Variants in CTBP1 observed in about 807,000 individuals in gnomAD.
The protein encoded by CTBP1 is C-terminal binding protein 1, also known as C-terminal-binding protein 1.
In CTBP1, 11 loss-of-function variants were observed where a neutral mutation model predicts 42.1. The ratio of observed to expected loss-of-function variants is 0.26; its 90% CI spans 0.16 to 0.43. The LOEUF (loss-of-function observed/expected upper bound fraction) is 0.43. Ranked by LOEUF, CTBP1 falls within the 20% of genes least tolerant of loss-of-function variation. CTBP1 has a pLI of 1.00. For missense variants in CTBP1, 399 were observed against 624.3 expected (o/e 0.64, Z 3.85); for synonymous variants, 324 against 277.1 (o/e 1.17, Z -1.68).
At chr4:1,234,178 GGCAGCCCCT>G (rs1560266629) in intron 3 of CTBP1, among the ~76,000 whole-genome samples, 1 of 152,250 alleles carries the variant, frequency 6.6e-6, no homozygotes, top group East Asian at 1.9e-4. Context: ...TCGGCATCCA[GGCAGCCCCT>G]GCAGACTCCA....
intron 1 of CTBP1, 121 bp from the exon 2 acceptor site, chr4:1,241,640 C>T: frequency 7.3e-7 from 1 of 1,375,570 alleles, no homozygotes; most frequent in South Asian, 1.3e-5. Context: ...GGACTGCTGT[C>T]TGGGACCTAC....
chr4:1,235,234 C>A lies in CTBP1; in HGVS notation c.162+2949G>T, dbSNP rs1225511208. On this transcript the variant is annotated intron_variant, in intron 3 of 9. Coordinates refer to ENST00000382952, the MANE Select transcript of CTBP1 (RefSeq NM_001012614.2). This position sits in a 1 kb window ranked among gnomAD's most constrained non-coding sequence, Gnocchi z 4.2. ...GCAGGTCTGTGTGTGGACGCGCATT[C>A]CGAGTCTCCGGGATAAAGGAGTGTG... 2.0e-5 allele frequency: 3 copies of A among 152,156 alleles called. No homozygotes were observed. Among genetic ancestry groups the A allele is most frequent in the African/African-American group, 7.2e-5 (3 of 41,412 alleles). 9.4% of individuals were successfully genotyped at this position (152,156 alleles called of 1,614,324 possible). A position where few individuals can be genotyped will look rare whatever the true frequency, so the allele number is the denominator to read the frequency against.
At chr4:1,230,843 C>T (rs1250115) in intron 3 of CTBP1, among the ~76,000 whole-genome samples, 118,456 of 152,218 alleles carry the variant, frequency 0.78, 47,165 homozygotes, top group South Asian at 0.89. Flanking sequence ...TCTAGGTAAG[C>T]TCGGAGAAGC....
At position 1,230,579 on chromosome 4, in the gene CTBP1, T is replaced by C. The variant is rs555527748; in HGVS notation, c.163-2236A>G. 2.1e-3 allele frequency among the ~76,000 whole-genome samples: 315 copies of C among 152,194 alleles called. 1 individual carries two copies. The highest frequency in any genetic ancestry group is 6.9e-3 in the African/African-American group (285 of 41,522). ...ATGTGCAGGGGCCACTTCCACAGTG[T>C]GTGTGCAGAGGCTCGGCATGGACAG... On this transcript the variant is annotated intron_variant, in intron 3 of 9. Transcript: ENST00000382952.
chr4:1,212,498 G>T, intron 9 of CTBP1, 75 bp from the exon 10 acceptor site: 2 of 1,290,528 alleles, frequency 1.5e-6, no homozygotes, highest in South Asian at 3.3e-5. Context: ...TCCTAGCATC[G>T]GCAGCACCGA....
intron 3 of CTBP1, among the ~76,000 whole-genome samples, chr4:1,232,649 G>C (rs942696052): frequency 2.9e-4 from 44 of 152,206 alleles, no homozygotes; most frequent in African/African-American, 1.0e-3. Context: ...TTTAATTAAA[G>C]TGACCTTTTC....
upstream of CTBP1, chr4:1,249,857 C>T: frequency 4.8e-6 from 1 of 210,128 alleles, no homozygotes; most frequent in Non-Finnish European, 1.0e-5. Flanking sequence ...CTCAGCTCTG[C>T]TTTCCCTTTA....
chr4:1,236,293 A>G (rs1402970509), intron 3 of CTBP1: 2 of 325,376 alleles, frequency 6.1e-6, no homozygotes, highest in East Asian at 6.5e-5. Context: ...CCTAGTTCTC[A>G]TCACGGAGGA....
rs549426586 is a variant in CTBP1 at position 1,224,158 on chromosome 4, G to A, written c.514+1202C>T. 9.8e-5 allele frequency among the ~76,000 whole-genome samples: 15 copies of A among 152,372 alleles called. No individual in the cohort carries two copies. The South Asian group carries it at 2.9e-3, about 29-fold the overall frequency. On this transcript the variant is annotated intron_variant, in intron 5 of 9. Transcript: ENST00000382952. ...TGATGTGCGTGCCCACACATATGCC[G>A]GTATCTATCTGCGTACGTGCCCATG... is the stretch of plus-strand genomic sequence containing the variant.
rs530404435 is a variant in CTBP1, at chr4:1,233,509, C to A, written c.162+4674G>T. Among the ~76,000 whole-genome samples, 2 of 152,244 alleles carry A rather than the reference C, an allele frequency of 1.3e-5. No homozygotes were observed. The highest frequency in any genetic ancestry group is 6.5e-5 in the Admixed American group (1 of 15,298). ...TCCAGGCCCCGCAGCCCACACCGGA[C>A]GCAGCCTCCAGGCTCCAGGGCTTCC... On this transcript the variant is annotated intron_variant, in intron 3 of 9. Transcript: ENST00000382952. The surrounding 1 kb of genome is among the most constrained non-coding windows in gnomAD (Gnocchi z 4.6).
chr4:1,225,543 C>T lies in CTBP1; in HGVS notation c.331G>A (p.Ala111Thr), dbSNP rs746485008. 2.6e-6 allele frequency: 4 copies of T among 1,542,464 alleles called. No individual in the cohort carries two copies. Among genetic ancestry groups the T allele is most frequent in the East Asian group, 2.4e-5 (1 of 40,920 alleles). ...DLGIAVCNVP[A>T]ASVEETADST... ...TCGGCCGTCTCCTCCACAGACGCCG[C>T]GGGCACGTTGCAGACGGCAATGCCT... is the stretch of plus-strand genomic sequence containing the variant. Residue 111 changes from alanine to threonine, a missense_variant, in exon 5 of 10, where the codon GCG (alanine) becomes ACG (threonine). Around this residue, in one of 4 missense-constraint regions of CTBP1, gnomAD observed 309 missense variants for 497.5 expected, o/e 0.62. Transcript: ENST00000382952.
At chr4:1,215,935 C>T (rs1243069140) in intron 6 of CTBP1, 56 bp downstream of exon 6, 7 of 1,533,258 alleles carry the variant, frequency 4.6e-6, no homozygotes, top group African/African-American at 1.4e-5. Context: ...CTGCCTGACA[C>T]CCCCACCTGT....
At chr4:1,244,170 C>G (rs1053742944) in intron 1 of CTBP1, 1 of 985,258 alleles carries the variant, frequency 1.0e-6, no homozygotes, top group East Asian at 1.1e-4. Context: ...GGATGCACAT[C>G]ACCATCTGCT....
At chr4:1,224,403 C>T (rs1196135896) in intron 5 of CTBP1, among the ~76,000 whole-genome samples, 1 of 150,200 alleles carries the variant, frequency 6.7e-6, no homozygotes, top group Non-Finnish European at 1.5e-5. Flanking sequence ...GTGTGAGACC[C>T]ATGTGTGCTG....
At chr4:1,249,406 C>T (rs1292505012), upstream of CTBP1, 1 of 152,406 alleles carries the variant, frequency 6.6e-6, no homozygotes, top group Non-Finnish European at 1.5e-5. Flanking sequence ...CCGTCCGCCC[C>T]GAGGACCCTG....
In CTBP1 at chr4:1,233,666, G is replaced by T. The variant is rs1229105515; in HGVS notation, c.162+4517C>A. ...CGGTGGGTGACATCCCCCACCCGTG[G>T]TATCAGTAAAATCCCAGTCCTGAAC... On this transcript the variant is annotated intron_variant, in intron 3 of 9. Coordinates refer to ENST00000382952, the MANE Select transcript of CTBP1 (RefSeq NM_001012614.2). This position sits in a 1 kb window ranked among gnomAD's most constrained non-coding sequence, Gnocchi z 4.6. Among the ~76,000 whole-genome samples, 4 of 152,170 alleles carry T rather than the reference G, an allele frequency of 2.6e-5. No homozygotes were observed. Among genetic ancestry groups the T allele is most frequent in the Non-Finnish European group, 4.4e-5 (3 of 68,032 alleles).
Position 1,238,422 on chromosome 4 carries a change from C to T in CTBP1, c.8-85G>A. The T allele has an allele frequency of 6.9e-7, 1 of 1,457,342 alleles. No homozygotes were observed. Among genetic ancestry groups the T allele is most frequent in the East Asian group, 2.3e-5 (1 of 43,256 alleles). 90.3% of individuals were successfully genotyped at this position (1,457,342 alleles called of 1,614,324 possible). On this transcript the variant is annotated intron_variant, in intron 2 of 9. Coordinates refer to ENST00000382952, the MANE Select transcript of CTBP1 (RefSeq NM_001012614.2). The surrounding 1 kb of genome is among the most constrained non-coding windows in gnomAD (Gnocchi z 5.9). The stretch of plus-strand genomic sequence containing the variant: ...CTCCACGCCACCCACTGTGCACGGG[C>T]CAACGAGGGCCGACCGCCGGGGGTT...
At chr4:1,213,969 C>G in intron 7 of CTBP1, 1 of 397,608 alleles carries the variant, frequency 2.5e-6, no homozygotes, top group Non-Finnish European at 4.5e-6. Context: ...GCTGAACATC[C>G]AACCCAGGGC....
At position 1,225,415 on chromosome 4, in the gene CTBP1, C is replaced by T. The variant is rs1730224590; in HGVS notation, c.459G>A (p.Glu153=). 1 of 1,564,932 alleles carries T rather than the reference C, an allele frequency of 6.4e-7. No homozygotes were observed. Among genetic ancestry groups the T allele is most frequent in the Non-Finnish European group, 8.6e-7 (1 of 1,159,588 alleles). ...TRVQSVEQIR[E]VASGAARIRG... is the part of the protein sequence containing the mutation. ...GGATCCTGGCAGCGCCGGACGCCACCTCGCGGATCTGCTCGACGCTCTGGA... is the reference window on the plus strand; with the variant it reads ...GGATCCTGGCAGCGCCGGACGCCACTTCGCGGATCTGCTCGACGCTCTGGA... Residue 153 remains glutamate (E), a synonymous_variant, in exon 5 of 10, where the codon GAG becomes GAA. Coordinates refer to ENST00000382952, the MANE Select transcript of CTBP1 (RefSeq NM_001012614.2).
Sources: allele counts gnomAD v4.1 joint callset (sites outside exome capture counted in the v4.1 genomes callset), GRCh38; gene constraint gnomAD v4.1.1; regional missense constraint gnomAD v4.1.1; non-coding constraint Gnocchi (gnomAD v3.1); transcripts MANE v1.5; gene names NCBI Gene and HGNC (gene_info 2026-07-23, HGNC 2026-07-21).